PSTPIP2: variants seen among roughly 807,000 people sequenced by gnomAD.
PSTPIP2 encodes proline-serine-threonine phosphatase-interacting protein 2.
PSTPIP2 carries 33 observed loss-of-function variants against 63.3 expected under a neutral mutation model. That is an observed-to-expected ratio of 0.52 (90% confidence interval 0.40 to 0.70). The LOEUF is 0.70. Among genes scored for constraint, PSTPIP2 ranks in the 30% least tolerant of loss-of-function variants. The probability of loss-of-function intolerance (pLI) is 0.00; values close to 1 mark genes in which losing one functional copy is unlikely to be tolerated. For missense variants in PSTPIP2, 312 were observed against 400.7 expected (o/e 0.78, Z 1.89); for synonymous variants, 125 against 132.7 (o/e 0.94, Z 0.40).
chr18:46,071,158 G>GGGGACCTACCT (rs1444230456), intron 1 of PSTPIP2, among the ~76,000 whole-genome samples: 4 of 152,242 alleles, frequency 2.6e-5, no homozygotes, highest in Admixed American at 2.6e-4. Flanking sequence ...TCCCCAGCCA[G>GGGGACCTACCT]GTTTCTCTAC....
intron 1 of PSTPIP2, among the ~76,000 whole-genome samples, chr18:46,060,697 G>A (rs981105041): frequency 2.0e-5 from 3 of 152,234 alleles, no homozygotes; most frequent in African/African-American, 7.2e-5. Context: ...CATGGCAGGG[G>A]AGGGTGCTGG....
At chr18:45,998,937 G>A in intron 7 of PSTPIP2, 98 bp from the exon 8 acceptor site, 1 of 1,331,722 alleles carries the variant, frequency 7.5e-7, no homozygotes, top group Non-Finnish European at 1.1e-6. Flanking sequence ...TAACTATGAA[G>A]AGACCAGGTC....
rs113159912 is a variant in PSTPIP2, at chr18:45,996,192, G to A, written c.642+1557C>T. Among the ~76,000 whole-genome samples, 292 of 152,302 alleles carry A rather than the reference G, an allele frequency of 1.9e-3. 1 individual carries two copies. The highest frequency in any genetic ancestry group is 0.014 in the Middle Eastern group (4 of 294). The stretch of plus-strand genomic sequence containing the variant: ...TAACAGAAGTTGACAAGTTCTCCAT[G>A]CCCAAGAAGGTGGGGAAAGGCAAGC... On this transcript the variant is annotated intron_variant, in intron 9 of 14. Transcript: ENST00000409746.
At chr18:46,005,397 A>G in intron 6 of PSTPIP2, 72 bp downstream of exon 6, 1 of 1,215,100 alleles carries the variant, frequency 8.2e-7, no homozygotes, top group South Asian at 1.3e-5. Flanking sequence ...GAGTAGGAAT[A>G]TGTTCATACA....
At chr18:45,987,212 A>C (rs1456325816) in intron 14 of PSTPIP2, among the ~76,000 whole-genome samples, 1 of 152,228 alleles carries the variant, frequency 6.6e-6, no homozygotes. Flanking sequence ...ATAAGTCACA[A>C]AGTAGGTGTT....
At chr18:46,035,641 T>C (rs1317228977) in intron 2 of PSTPIP2, among the ~76,000 whole-genome samples, 2 of 152,068 alleles carry the variant, frequency 1.3e-5, no homozygotes, top group Non-Finnish European at 2.9e-5. Context: ...ATGAGTGAGA[T>C]TGTATAAACA....
rs1365509589 is a variant in PSTPIP2 at position 46,004,379 on chromosome 18, TC to T, written c.417+1089del. 1.2e-4 allele frequency among the ~76,000 whole-genome samples: 18 copies of T among 152,330 alleles called. No individual in the cohort carries two copies. The Middle Eastern group carries it at 0.01, about 86-fold the overall frequency. On this transcript the variant is annotated intron_variant, in intron 6 of 14. Coordinates refer to ENST00000409746, the MANE Select transcript of PSTPIP2 (RefSeq NM_024430.4). ...TGTTCTAATAACAGAGTTTGTTGTA[TC>T]CAGAGTCAACAGATACATAAAAGCT...
chr18:46,061,000 A>G (rs1325961310), intron 1 of PSTPIP2, among the ~76,000 whole-genome samples: 1 of 152,220 alleles, frequency 6.6e-6, no homozygotes, highest in African/African-American at 2.4e-5. Context: ...ATAGATGCAC[A>G]TTAATAAAAA....
intron 9 of PSTPIP2, among the ~76,000 whole-genome samples, chr18:45,995,938 C>A (rs1379117619): frequency 6.6e-6 from 1 of 152,208 alleles, no homozygotes; most frequent in East Asian, 1.9e-4. Flanking sequence ...ACCTCAGCCT[C>A]CCAAGTAGCT....
intron 2 of PSTPIP2, among the ~76,000 whole-genome samples, chr18:46,026,701 C>T (rs936307287): frequency 3.3e-5 from 5 of 151,984 alleles, no homozygotes; most frequent in African/African-American, 1.2e-4. Context: ...CACAGCAAGA[C>T]CGCGCCTCTA....
At chr18:46,007,598 T>C (rs2051742422) in intron 5 of PSTPIP2, among the ~76,000 whole-genome samples, 1 of 152,256 alleles carries the variant, frequency 6.6e-6, no homozygotes, top group South Asian at 2.1e-4. Flanking sequence ...GCAACGTTGG[T>C]CTATTCCAAA....
chr18:45,993,480 T>C (rs1031593765), intron 10 of PSTPIP2, 125 bp downstream of exon 10: 11 of 785,872 alleles, frequency 1.4e-5, no homozygotes, highest in African/African-American at 3.4e-5. Context: ...CAACTCACTG[T>C]ATGGCCTTAG....
chr18:46,029,740 G>A, intron 2 of PSTPIP2: 2 of 611,058 alleles, frequency 3.3e-6, no homozygotes, highest in Admixed American at 5.3e-5. Context: ...AAACTTCCCA[G>A]TCATTAAAAA....
At chr18:46,057,752 C>T (rs1234201966) in intron 1 of PSTPIP2, among the ~76,000 whole-genome samples, 1 of 152,062 alleles carries the variant, frequency 6.6e-6, no homozygotes, top group East Asian at 1.9e-4. Context: ...AATCCCAGCA[C>T]TTTGGGAGGC....
At chr18:46,009,388 A>C (rs935851224) in intron 5 of PSTPIP2, among the ~76,000 whole-genome samples, 3 of 108,194 alleles carry the variant, frequency 2.8e-5, no homozygotes, top group South Asian at 2.5e-4. Flanking sequence ...AAAAAAAAAA[A>C]AAACCTAGCT....
intron 1 of PSTPIP2, among the ~76,000 whole-genome samples, chr18:46,069,969 A>C (rs915266306): frequency 3.9e-5 from 6 of 152,212 alleles, no homozygotes; most frequent in Admixed American, 6.5e-5. Context: ...TGGCAACTAT[A>C]GGTGCTCTCT....
chr18:46,065,028 C>T (rs1599752969), intron 1 of PSTPIP2, among the ~76,000 whole-genome samples: 2 of 151,038 alleles, frequency 1.3e-5, no homozygotes. Context: ...CCTGTAATTC[C>T]AGCTACTTGG....
Position 46,049,341 on chromosome 18 carries a change from A to G in PSTPIP2, c.34-9294T>C, listed in dbSNP as rs534018457. 7.9e-5 allele frequency among the ~76,000 whole-genome samples: 12 copies of G among 152,188 alleles called. No individual in the cohort carries two copies. In the South Asian group the frequency reaches 2.5e-3, roughly 32 times the overall value. ...AGAGTGGAAGGAGGGAGATGATCAG[A>G]AAAAATGACTAATGGGTACTAGACT... On this transcript the variant is annotated intron_variant, in intron 1 of 14. Transcript: ENST00000409746.
chr18:46,068,651 G>C (rs1261445066), intron 1 of PSTPIP2, among the ~76,000 whole-genome samples: 1 of 151,818 alleles, frequency 6.6e-6, no homozygotes, highest in Non-Finnish European at 1.5e-5. Context: ...AGGATAGCTT[G>C]AGGCAAGGAG....
Sources: allele counts gnomAD v4.1 joint callset (sites outside exome capture counted in the v4.1 genomes callset), GRCh38; gene constraint gnomAD v4.1.1; transcripts MANE v1.5; gene names NCBI Gene and HGNC (gene_info 2026-07-23, HGNC 2026-07-21).